The following TMOD2 variants were observed in gnomAD, a reference collection of about 807,000 sequenced individuals.
TMOD2 encodes the protein tropomodulin-2.
In TMOD2, 22 loss-of-function variants were observed where a neutral mutation model predicts 39.9. The observed-to-expected ratio is 0.55, with a 90% CI of 0.39 to 0.79. The LOEUF is 0.79. Among genes scored for constraint, TMOD2 ranks in the 30% least tolerant of loss-of-function variants. The probability of loss-of-function intolerance (pLI) is 0.00; values close to 1 mark genes in which losing one functional copy is unlikely to be tolerated. For missense variants in TMOD2, 386 were observed against 413.3 expected (o/e 0.93, Z 0.57); for synonymous variants, 123 against 146.1 (o/e 0.84, Z 1.14).
At chr15:51,764,531 A>G (rs1041670819) in intron 1 of TMOD2, among the ~76,000 whole-genome samples, 9 of 152,178 alleles carry the variant, frequency 5.9e-5, no homozygotes, top group African/African-American at 2.2e-4. Flanking sequence ...ACTCATAAAA[A>G]AAGATTGGCG....
At chr15:51,764,605 T>G (rs2055804182) in intron 1 of TMOD2, among the ~76,000 whole-genome samples, 1 of 152,192 alleles carries the variant, frequency 6.6e-6, no homozygotes, top group Non-Finnish European at 1.5e-5. Flanking sequence ...AGAATAAAGT[T>G]CAGGTCCCTT....
chr15:51,812,853 C>T lies in TMOD2; in HGVS notation c.*4399C>T, dbSNP rs1179803247. The T allele has an allele frequency of 6.6e-6, 1 of 152,178 alleles. No homozygotes were observed. The highest frequency in any genetic ancestry group is 2.4e-5 in the African/African-American group (1 of 41,434). The allele number at this position is 152,178 out of a possible 1,614,324, so 9.4% of individuals were successfully genotyped here. On this transcript the variant is annotated 3_prime_UTR_variant, in exon 10 of 10. Coordinates refer to ENST00000249700, the MANE Select transcript of TMOD2 (RefSeq NM_014548.4). ...CTAAGAGGAAAGGTCCTAGCTCTGCCTTCCACTTGCAGCTTCCCTTTACCT... is the reference window on the plus strand; with the variant it reads ...CTAAGAGGAAAGGTCCTAGCTCTGCTTTCCACTTGCAGCTTCCCTTTACCT...
intron 1 of TMOD2, among the ~76,000 whole-genome samples, chr15:51,764,095 A>G (rs1294017757): frequency 6.6e-6 from 1 of 152,102 alleles, no homozygotes; most frequent in Non-Finnish European, 1.5e-5. Context: ...TAAAAAAAAA[A>G]AAGGAGGGCT....
At chr15:51,776,097 G>A (rs1416758034) in intron 4 of TMOD2, among the ~76,000 whole-genome samples, 3 of 152,110 alleles carry the variant, frequency 2.0e-5, no homozygotes, top group East Asian at 3.9e-4. Context: ...CCTCTTCACC[G>A]GGTCCTTGCT....
intron 1 of TMOD2, among the ~76,000 whole-genome samples, chr15:51,758,894 AGGAGGCT>A (rs1384734051): frequency 6.6e-6 from 1 of 152,138 alleles, no homozygotes. Flanking sequence ...GAATTGGGCC[AGGAGGCT>A]GGAGCCAGGA....
chr15:51,814,601 C>T lies in TMOD2; in HGVS notation c.*6147C>T, dbSNP rs2056176940. 1 of 152,212 alleles carries T rather than the reference C, an allele frequency of 6.6e-6. No homozygotes were observed. Among genetic ancestry groups the T allele is most frequent in the Admixed American group, 6.5e-5 (1 of 15,284 alleles). The allele number at this position is 152,212 out of a possible 1,614,324, so 9.4% of individuals were successfully genotyped here. On this transcript the variant is annotated 3_prime_UTR_variant, in exon 10 of 10. Transcript: ENST00000249700. Reference sequence around the variant, plus strand: ...TGTCGTCCAGCCCCACAGAGTTATGCTCCATTTGCCACCATGTGATATTTT... The same window carrying T: ...TGTCGTCCAGCCCCACAGAGTTATGTTCCATTTGCCACCATGTGATATTTT...
intron 1 of TMOD2, among the ~76,000 whole-genome samples, chr15:51,765,291 G>A (rs1161958743): frequency 1.3e-5 from 2 of 152,044 alleles, no homozygotes; most frequent in African/African-American, 2.4e-5. Context: ...GTGAGCCAAC[G>A]TTCCTGGCCT....
chr15:51,792,790 C>T (rs1441558243), intron 7 of TMOD2, among the ~76,000 whole-genome samples: 2 of 152,132 alleles, frequency 1.3e-5, no homozygotes, highest in Non-Finnish European at 2.9e-5. Flanking sequence ...CGCATGTTCT[C>T]ACTCATAAGT....
chr15:51,777,818 C>A (rs1595868550), intron 5 of TMOD2, among the ~76,000 whole-genome samples: 1 of 152,262 alleles, frequency 6.6e-6, no homozygotes, highest in African/African-American at 2.4e-5. Flanking sequence ...GGGCTTCATC[C>A]CTTGGATGCA....
chr15:51,781,305 C>A, intron 6 of TMOD2, 131 bp downstream of exon 6: 1 of 774,414 alleles, frequency 1.3e-6, no homozygotes, highest in East Asian at 2.8e-5. Context: ...TCAAGGTATC[C>A]TATTCAAAAG....
chr15:51,787,672 A>G (rs144476283), intron 7 of TMOD2, among the ~76,000 whole-genome samples: 1,788 of 152,294 alleles, frequency 0.012, 40 homozygotes, highest in African/African-American at 0.041. Flanking sequence ...TCAGACAGCA[A>G]TATTTGCTCT....
intron 1 of TMOD2, among the ~76,000 whole-genome samples, chr15:51,755,977 A>T (rs7174497): frequency 2.6e-5 from 4 of 151,770 alleles, no homozygotes; most frequent in Admixed American, 1.3e-4. Flanking sequence ...GAGGAAGGAC[A>T]TGGTTAAAAG....
chr15:51,754,599 T>C (rs1460259795), intron 1 of TMOD2, among the ~76,000 whole-genome samples: 1 of 152,254 alleles, frequency 6.6e-6, no homozygotes, highest in African/African-American at 2.4e-5. Flanking sequence ...AAAGTATACA[T>C]ATTTACTTGC....
chr15:51,771,798 T>C (rs932995015), intron 3 of TMOD2, among the ~76,000 whole-genome samples: 3 of 152,186 alleles, frequency 2.0e-5, no homozygotes, highest in Non-Finnish European at 2.9e-5. Context: ...TTTGAGATGT[T>C]ATTGATTAGT....
intron 6 of TMOD2, among the ~76,000 whole-genome samples, chr15:51,781,739 A>G (rs1262451126): frequency 1.3e-5 from 2 of 152,138 alleles, no homozygotes; most frequent in Non-Finnish European, 2.9e-5. Flanking sequence ...CTGAAGTCAC[A>G]TGTTGTCACT....
At chr15:51,788,692 G>A (rs1026894549) in intron 7 of TMOD2, among the ~76,000 whole-genome samples, 8 of 152,046 alleles carry the variant, frequency 5.3e-5, no homozygotes, top group Middle Eastern at 3.2e-3. Context: ...AGAAGAGTGG[G>A]GGCCAATATT....
intron 9 of TMOD2, among the ~76,000 whole-genome samples, chr15:51,807,210 A>G (rs1047834611): frequency 2.6e-5 from 4 of 152,218 alleles, no homozygotes; most frequent in African/African-American, 9.6e-5. Flanking sequence ...GTCAGTCAAT[A>G]GCAGGCTTCA....
intron 5 of TMOD2, among the ~76,000 whole-genome samples, chr15:51,779,161 A>G (rs946818474): frequency 6.6e-6 from 1 of 152,066 alleles, no homozygotes; most frequent in East Asian, 1.9e-4. Context: ...GGATCTTGCT[A>G]TGTTGCTTAG....
Position 51,774,739 on chromosome 15 carries a change from A to G in TMOD2, c.406+905A>G, listed in dbSNP as rs117997200. On this transcript the variant is annotated intron_variant, in intron 4 of 9. Transcript: ENST00000249700. ...CTGGTAAAGAAGGTGTTTTGCACCCACTGGTCTTAGCCCTGGGGTTGCTGT... is the reference window on the plus strand; with the variant it reads ...CTGGTAAAGAAGGTGTTTTGCACCCGCTGGTCTTAGCCCTGGGGTTGCTGT... Among the ~76,000 whole-genome samples the G allele has an allele frequency of 1.7e-3, 260 of 152,202 alleles. 11 individuals are homozygous for G. The highest frequency in any genetic ancestry group is 0.017 in the East Asian group (87 of 5,172).
Sources: gnomAD v4.1 joint callset for allele counts (sites outside exome capture counted in the v4.1 genomes callset) on GRCh38, gnomAD v4.1.1 for gene constraint, MANE v1.5 for transcripts, NCBI Gene and HGNC (gene_info 2026-07-23, HGNC 2026-07-21) for gene names.